DCHS2: variants seen among roughly 807,000 people sequenced by gnomAD.
The protein encoded by DCHS2 is protocadherin-23.
A neutral mutation model predicts 182.4 loss-of-function variants in DCHS2; 142 were observed. The observed-to-expected ratio is 0.78, with a 90% CI of 0.68 to 0.89. The LOEUF is 0.89. Among genes scored for constraint, DCHS2 ranks in the 40% least tolerant of loss-of-function variants. The pLI is 0.00. For missense variants in DCHS2, 4,319 were observed against 4,198.6 expected, an observed-to-expected ratio of 1.03 and a Z score of -0.79; for synonymous variants, 1,740 against 1,663.3, an observed-to-expected ratio of 1.05 and a Z score of -1.12.
At chr4:154,453,232 G>T (rs769081193) in intron 1 of DCHS2, among the ~76,000 whole-genome samples, 1 of 150,304 alleles carries the variant, frequency 6.7e-6, no homozygotes, top group Non-Finnish European at 1.5e-5. Context: ...ACTGCAGTTA[G>T]ACATTTTAGG....
intron 10 of DCHS2, among the ~76,000 whole-genome samples, chr4:154,307,135 C>A (rs1000380063): frequency 6.6e-6 from 1 of 152,132 alleles, no homozygotes; most frequent in African/African-American, 2.4e-5. Context: ...ATGTATTTTA[C>A]TATGGCTTAT....
intron 1 of DCHS2, among the ~76,000 whole-genome samples, chr4:154,446,345 G>A (rs865837600): frequency 6.6e-5 from 10 of 152,142 alleles, no homozygotes; most frequent in South Asian, 4.1e-4. Context: ...ATACACTAAA[G>A]TTATCACAGA....
chr4:154,332,878 T>C lies in DCHS2; in HGVS notation c.3330A>G (p.Pro1110=), dbSNP rs1728524826. 5 of 1,614,074 alleles carry C rather than the reference T, an allele frequency of 3.1e-6. No individual in the cohort carries two copies. The highest frequency in any genetic ancestry group is 4.2e-6 in the Non-Finnish European group (5 of 1,180,038). Residue 1110 remains proline (P), a synonymous_variant, in exon 5 of 20, where the codon CCA becomes CCG. Coordinates refer to ENST00000357232, the MANE Select transcript of DCHS2 (RefSeq NM_001358235.2). The part of the protein sequence containing the change: ...MTQMLQTQAH[P]LGPQRAASPL... The stretch of plus-strand genomic sequence containing the variant: ...GCGAGGCTGCACGCTGGGGGCCAAG[T>C]GGGTGCGCCTGTGTTTGCAGCATTT...
At chr4:154,420,309 G>A (rs943435551) in intron 1 of DCHS2, among the ~76,000 whole-genome samples, 3 of 145,160 alleles carry the variant, frequency 2.1e-5, no homozygotes, top group Middle Eastern at 3.5e-3. Flanking sequence ...AGATACGTAC[G>A]TACATACATA....
At position 154,377,242 on chromosome 4, in the gene DCHS2, TA is replaced by T; in HGVS notation, c.2244+10del. 1.2e-6 allele frequency: 2 copies of T among 1,611,532 alleles called. No homozygotes were observed. Among genetic ancestry groups the T allele is most frequent in the South Asian group, 1.1e-5 (1 of 90,786 alleles). ...TTATGTTTAAAATAAACTTCATACA[TA>T]AAAACTTACCCCATCCTTAGCTTCC... On this transcript the variant is annotated intron_variant, in intron 2 of 19. Coordinates refer to ENST00000357232, the MANE Select transcript of DCHS2 (RefSeq NM_001358235.2).
chr4:154,333,621 A>G lies in DCHS2; in HGVS notation c.2714-127T>C, dbSNP rs985412893. The G allele has an allele frequency of 3.4e-6, 3 of 878,464 alleles. No individual in the cohort carries two copies. In the African/African-American group the frequency reaches 5.1e-5, roughly 15 times the overall value. The allele number at this position is 878,464 out of a possible 1,614,324, so 54.4% of individuals were successfully genotyped here. A position where few individuals can be genotyped will look rare whatever the true frequency, so the allele number is the denominator to read the frequency against. On this transcript the variant is annotated intron_variant, in intron 4 of 19. Coordinates refer to ENST00000357232, the MANE Select transcript of DCHS2 (RefSeq NM_001358235.2). ...CTTCAGTCAATGATGGATCACATAT[A>G]CTATGATGGTTCCGTAAGATTCTGA...
chr4:154,466,843 A>G (rs1258553658), intron 1 of DCHS2, among the ~76,000 whole-genome samples: 1 of 152,220 alleles, frequency 6.6e-6, no homozygotes, highest in African/African-American at 2.4e-5. Context: ...CTTCTTATAC[A>G]AAAGGAAGCT....
chr4:154,287,162 T>C (rs1266730050), intron 13 of DCHS2, among the ~76,000 whole-genome samples: 5 of 152,126 alleles, frequency 3.3e-5, no homozygotes, highest in Admixed American at 2.6e-4. Context: ...AAACAAAAGC[T>C]GAGGGATTTC....
At chr4:154,257,782 G>A (rs981359251) in intron 15 of DCHS2, among the ~76,000 whole-genome samples, 1 of 152,180 alleles carries the variant, frequency 6.6e-6, no homozygotes, top group Non-Finnish European at 1.5e-5. Flanking sequence ...AGCTTCCTGG[G>A]AACTCAATGA....
At chr4:154,334,794 A>G in intron 4 of DCHS2, 74 bp downstream of exon 4, 1 of 1,219,286 alleles carries the variant, frequency 8.2e-7, no homozygotes, top group Non-Finnish European at 1.2e-6. Flanking sequence ...ATTATTCAAG[A>G]TTGTACCGCC....
At chr4:154,373,662 C>T (rs1730745853) in intron 2 of DCHS2, among the ~76,000 whole-genome samples, 1 of 44,638 alleles carries the variant, frequency 2.2e-5, no homozygotes, top group South Asian at 1.4e-3. Flanking sequence ...TTCACATAAA[C>T]CTACTTCAGG....
intron 1 of DCHS2, chr4:154,384,565 G>C: frequency 2.7e-6 from 4 of 1,497,940 alleles, no homozygotes; most frequent in South Asian, 1.3e-5. Context: ...AAAGTAGTGA[G>C]TACTACCTTA....
At chr4:154,355,994 T>A (rs944346173) in intron 3 of DCHS2, among the ~76,000 whole-genome samples, 3 of 152,100 alleles carry the variant, frequency 2.0e-5, no homozygotes, top group African/African-American at 7.2e-5. Flanking sequence ...TTCTACTGAT[T>A]GAAAAAAGAA....
intron 1 of DCHS2, among the ~76,000 whole-genome samples, chr4:154,488,819 C>A (rs1341277157): frequency 6.6e-6 from 1 of 151,846 alleles, no homozygotes; most frequent in East Asian, 1.9e-4. Flanking sequence ...TTGCAGTGAG[C>A]CGAGATTGAG....
chr4:154,316,746 T>C (rs1735869073), intron 9 of DCHS2, among the ~76,000 whole-genome samples: 1 of 152,136 alleles, frequency 6.6e-6, no homozygotes, highest in East Asian at 1.9e-4. Context: ...ATCGTGCCAC[T>C]GCACTCTAGC....
intron 7 of DCHS2, chr4:154,323,474 C>A: frequency 1.7e-6 from 2 of 1,176,170 alleles, no homozygotes; most frequent in Non-Finnish European, 2.3e-6. Flanking sequence ...GGACTACAGG[C>A]ATGGGCCAAA....
At chr4:154,486,320 C>CA (rs756920247) in intron 1 of DCHS2, 23 of 1,118,614 alleles carry the variant, frequency 2.1e-5, no homozygotes, top group Non-Finnish European at 2.7e-5. Flanking sequence ...ACCATAGTGC[C>CA]AGCAACAGCA....
intron 16 of DCHS2, among the ~76,000 whole-genome samples, chr4:154,247,635 C>CAA (rs67157369): frequency 5.0e-5 from 5 of 100,140 alleles, no homozygotes; most frequent in African/African-American, 1.2e-4. Context: ...GACTCCGTCT[C>CAA]AAAAAAAAAA....
intron 7 of DCHS2, chr4:154,323,110 T>C: frequency 7.5e-7 from 1 of 1,341,674 alleles, no homozygotes; most frequent in Non-Finnish European, 1.0e-6. Context: ...TTGAATAAAC[T>C]GGAACTTGTA....
Sources: allele counts gnomAD v4.1 joint callset (sites outside exome capture counted in the v4.1 genomes callset), GRCh38; gene constraint gnomAD v4.1.1; transcripts MANE v1.5; gene names NCBI Gene and HGNC (gene_info 2026-07-23, HGNC 2026-07-21).